SYT1: variants seen among roughly 807,000 people sequenced by gnomAD.
SYT1 encodes synaptotagmin-1.
A neutral mutation model predicts 44.8 loss-of-function variants in SYT1; 8 were observed. That is an observed-to-expected ratio of 0.18 (90% CI 0.10 to 0.32). The LOEUF is 0.32. SYT1 is among the 10% of genes least tolerant of loss of function. The pLI, the probability that SYT1 is intolerant of heterozygous loss-of-function variation, is 1.00. For synonymous variants in SYT1, 154 were observed against 188.8 expected, an observed-to-expected ratio of 0.82 and a Z score of 1.51; for missense variants, 286 against 509.3, an observed-to-expected ratio of 0.56 and a Z score of 4.22.
chr12:79,214,928 A>G (rs917078851), intron 3 of SYT1, among the ~76,000 whole-genome samples: 1 of 132,970 alleles, frequency 7.5e-6, no homozygotes, highest in Non-Finnish European at 1.6e-5. Flanking sequence ...CGTGCCTGTA[A>G]TAATGTGTGT....
rs533332679 is a variant in SYT1 at position 79,076,324 on chromosome 12, C to T, written c.-18+28962C>T. 2.0e-5 allele frequency among the ~76,000 whole-genome samples: 3 copies of T among 152,090 alleles called. No homozygotes were observed. The South Asian group carries it at 6.2e-4, about 32-fold the overall frequency. ...GGGAGAAAAATCAAAGGAAGGTGAC[C>T]GTGACCTTCTTGCTTCTGTTGTTTC... is the stretch of plus-strand genomic sequence containing the variant. On this transcript the variant is annotated intron_variant, in intron 3 of 10. Transcript: ENST00000261205.
intron 8 of SYT1, among the ~76,000 whole-genome samples, chr12:79,335,061 G>A (rs567349914): frequency 1.3e-5 from 2 of 152,060 alleles, no homozygotes; most frequent in Middle Eastern, 3.2e-3. Context: ...AACATCCCAA[G>A]CCTATCCCTT....
chr12:78,944,806 AAC>A (rs142414991), intron 1 of SYT1, among the ~76,000 whole-genome samples: 10 of 151,592 alleles, frequency 6.6e-5, no homozygotes, highest in South Asian at 2.1e-4. Flanking sequence ...GATTTTAATC[AAC>A]ACACACACAC....
At chr12:79,094,305 T>A (rs1209926774) in intron 3 of SYT1, among the ~76,000 whole-genome samples, 2 of 151,806 alleles carry the variant, frequency 1.3e-5, no homozygotes, top group Non-Finnish European at 1.5e-5. Flanking sequence ...ATTAAGCTAG[T>A]CCTATTTGTG....
intron 4 of SYT1, among the ~76,000 whole-genome samples, chr12:79,273,226 A>G (rs1418405924): frequency 6.6e-6 from 1 of 150,890 alleles, no homozygotes; most frequent in Non-Finnish European, 1.5e-5. Flanking sequence ...AAGTGATCCT[A>G]TCACCTCAGC....
At chr12:79,266,763 G>C (rs1375567239) in intron 4 of SYT1, among the ~76,000 whole-genome samples, 3 of 152,136 alleles carry the variant, frequency 2.0e-5, no homozygotes, top group Non-Finnish European at 2.9e-5. Flanking sequence ...GAAACTGATT[G>C]ACAAAAACAG....
At chr12:78,965,374 C>T (rs1465114917) in intron 1 of SYT1, among the ~76,000 whole-genome samples, 1 of 152,156 alleles carries the variant, frequency 6.6e-6, no homozygotes, top group Non-Finnish European at 1.5e-5. Flanking sequence ...GATGCACAAC[C>T]TCTGCTCTCC....
intron 8 of SYT1, among the ~76,000 whole-genome samples, chr12:79,338,056 G>A (rs531678085): frequency 5.7e-4 from 86 of 152,096 alleles, no homozygotes; most frequent in African/African-American, 2.1e-3. Context: ...GTCTTTGGAC[G>A]CCATCCCCAA....
intron 1 of SYT1, among the ~76,000 whole-genome samples, chr12:78,878,679 A>T (rs989578342): frequency 5.3e-5 from 8 of 151,862 alleles, no homozygotes; most frequent in African/African-American, 1.7e-4. Flanking sequence ...GTAATGATTC[A>T]TTCACATGTG....
At chr12:79,439,540 A>G (rs1431709209) in intron 9 of SYT1, among the ~76,000 whole-genome samples, 1 of 152,196 alleles carries the variant, frequency 6.6e-6, no homozygotes, top group African/African-American at 2.4e-5. Context: ...GTGGTTACCA[A>G]TTCAGCAAAG....
intron 9 of SYT1, among the ~76,000 whole-genome samples, chr12:79,378,781 A>G (rs911636974): frequency 6.6e-6 from 1 of 152,202 alleles, no homozygotes; most frequent in Non-Finnish European, 1.5e-5. Flanking sequence ...AATCCGAGGA[A>G]CAGGCTGGAA....
intron 8 of SYT1, among the ~76,000 whole-genome samples, chr12:79,328,895 T>C (rs1200875496): frequency 1.3e-5 from 2 of 152,098 alleles, no homozygotes; most frequent in African/African-American, 4.8e-5. Flanking sequence ...ACCATGTTTT[T>C]TTCTTTCAAA....
intron 3 of SYT1, among the ~76,000 whole-genome samples, chr12:79,174,385 T>C (rs1328884237): frequency 6.8e-6 from 1 of 147,704 alleles, no homozygotes; most frequent in Non-Finnish European, 1.5e-5. Context: ...TGATAAATAA[T>C]ATGGTGACGT....
At chr12:79,307,371 TTTTA>T (rs1291660059) in intron 8 of SYT1, among the ~76,000 whole-genome samples, 1 of 152,220 alleles carries the variant, frequency 6.6e-6, no homozygotes, top group Non-Finnish European at 1.5e-5. Context: ...TGTAAATTAA[TTTTA>T]TTTATTCATT....
chr12:79,036,438 C>G (rs1307649605), intron 2 of SYT1: 1 of 151,778 alleles, frequency 6.6e-6, no homozygotes, highest in Non-Finnish European at 1.5e-5. Context: ...AATGAGTAGT[C>G]TCAATTATAT....
chr12:79,330,619 G>A lies in SYT1; in HGVS notation c.811-22883G>A, dbSNP rs149269224. Among the ~76,000 whole-genome samples, 278 of 152,266 alleles carry A rather than the reference G, an allele frequency of 1.8e-3. 1 individual carries two copies. The highest frequency in any genetic ancestry group is 6.2e-3 in the African/African-American group (258 of 41,564). ...GCTGTGAAGATATGAAATAACTTAC[G>A]TGAAATACCTAGCATATAGAAGCTG... is the stretch of plus-strand genomic sequence containing the variant. On this transcript the variant is annotated intron_variant, in intron 8 of 10. Transcript: ENST00000261205.
At position 79,450,525 on chromosome 12, in the gene SYT1, C is replaced by CTATT. The variant is rs1388917250; in HGVS notation, c.*1402_*1405dup. ...CAATGTTATTATGTAGTAAATGACA[C>CTATT]TATTATGAAGCTACTAGTCATTCCA... is the stretch of plus-strand genomic sequence containing the variant. On this transcript the variant is annotated 3_prime_UTR_variant, in exon 11 of 11. Transcript: ENST00000261205. 1.3e-5 allele frequency: 2 copies of CTATT among 152,518 alleles called. No individual in the cohort carries two copies. Among genetic ancestry groups the CTATT allele is most frequent in the Non-Finnish European group, 2.9e-5 (2 of 68,030 alleles). 9.4% of individuals were successfully genotyped at this position (152,518 alleles called of 1,614,324 possible). A position where few individuals can be genotyped will look rare whatever the true frequency, so the allele number is the denominator to read the frequency against.
At chr12:79,197,153 C>A (rs1373221814) in intron 3 of SYT1, among the ~76,000 whole-genome samples, 1 of 152,142 alleles carries the variant, frequency 6.6e-6, no homozygotes, top group African/African-American at 2.4e-5. Flanking sequence ...AATGGGGGAA[C>A]CCAAACATTC....
At chr12:78,984,213 C>T (rs1248236465) in intron 2 of SYT1, among the ~76,000 whole-genome samples, 2 of 151,606 alleles carry the variant, frequency 1.3e-5, no homozygotes, top group Non-Finnish European at 2.9e-5. Context: ...ACAATTACAG[C>T]CCTTACATAC....
Sources: gnomAD v4.1 joint callset for allele counts (sites outside exome capture counted in the v4.1 genomes callset) on GRCh38, gnomAD v4.1.1 for gene constraint, MANE v1.5 for transcripts, NCBI Gene and HGNC (gene_info 2026-07-23, HGNC 2026-07-21) for gene names.